NEK1: variants seen among roughly 807,000 people sequenced by gnomAD.
NEK1 encodes NIMA related kinase 1.
Under a neutral mutation model 182.1 loss-of-function variants are expected in NEK1, and 137 were observed. That is an observed-to-expected ratio of 0.75 (90% CI 0.65 to 0.87). The LOEUF (loss-of-function observed/expected upper bound fraction) is 0.87. NEK1 is among the 40% of genes least tolerant of loss of function. The pLI is 0.00. For synonymous variants in NEK1, 513 were observed against 492.2 expected (o/e 1.04, Z -0.56); for missense variants, 1,391 against 1,494.4 (o/e 0.93, Z 1.14).
chr4:169,568,396 A>C (rs1214475437), intron 12 of NEK1, among the ~76,000 whole-genome samples: 2 of 152,198 alleles, frequency 1.3e-5, no homozygotes, highest in Non-Finnish European at 2.9e-5. Flanking sequence ...TATTTCACTG[A>C]ACTCTATTAG....
In NEK1 at chr4:169,545,153, C is replaced by T. The variant is rs1277256144; in HGVS notation, c.1563-7242G>A. On this transcript the variant is annotated intron_variant, in intron 18 of 35. Transcript: ENST00000507142. ...GTGCCATGCTGGTGCGCTGCACCCA[C>T]TAACTCGTCATCTAGCCTTAGATAT... 4.0e-5 allele frequency among the ~76,000 whole-genome samples: 6 copies of T among 150,116 alleles called. No individual in the cohort carries two copies. In the East Asian group the frequency reaches 1.2e-3, roughly 30 times the overall value.
chr4:169,608,763 C>T (rs1340745905), intron 2 of NEK1, among the ~76,000 whole-genome samples: 1 of 151,896 alleles, frequency 6.6e-6, no homozygotes, highest in Non-Finnish European at 1.5e-5. Flanking sequence ...TCCTGTAAAA[C>T]GATATACAAT....
At chr4:169,445,784 T>C (rs1014878618) in intron 27 of NEK1, among the ~76,000 whole-genome samples, 2 of 151,356 alleles carry the variant, frequency 1.3e-5, no homozygotes, top group African/African-American at 4.9e-5. Flanking sequence ...CTCAGCATTA[T>C]GCGATATACC....
At chr4:169,443,375 T>C in intron 27 of NEK1, among the ~76,000 whole-genome samples, 1 of 88,124 alleles carries the variant, frequency 1.1e-5, no homozygotes, top group African/African-American at 4.5e-5. Context: ...ACCACAAAAT[T>C]CAATGAATTA....
intron 10 of NEK1, among the ~76,000 whole-genome samples, chr4:169,583,896 C>A (rs1365401496): frequency 1.3e-5 from 2 of 152,192 alleles, no homozygotes; most frequent in African/African-American, 4.8e-5. Context: ...AAATCAACAT[C>A]TGTTTTCTGA....
intron 18 of NEK1, among the ~76,000 whole-genome samples, chr4:169,541,905 C>T (rs1009732836): frequency 6.6e-6 from 1 of 152,074 alleles, no homozygotes; most frequent in African/African-American, 2.4e-5. Flanking sequence ...CATATCTGAC[C>T]GAAATGTGTC....
intron 27 of NEK1, among the ~76,000 whole-genome samples, chr4:169,453,639 T>C (rs1742275322): frequency 6.6e-6 from 1 of 152,240 alleles, no homozygotes; most frequent in Admixed American, 6.5e-5. Flanking sequence ...GAGCGATCTG[T>C]GCTTTAAGGA....
chr4:169,522,099 T>C (rs947230927), intron 19 of NEK1, among the ~76,000 whole-genome samples: 1 of 152,204 alleles, frequency 6.6e-6, no homozygotes, highest in Non-Finnish European at 1.5e-5. Context: ...AGAACTGAAC[T>C]GGTATGTCTT....
intron 2 of NEK1, among the ~76,000 whole-genome samples, chr4:169,603,551 T>C (rs1770834346): frequency 6.6e-6 from 1 of 152,210 alleles, no homozygotes; most frequent in African/African-American, 2.4e-5. Flanking sequence ...AATGTAAGAA[T>C]GTACTGAAAA....
chr4:169,492,081 A>G (rs1045167653), intron 23 of NEK1, among the ~76,000 whole-genome samples: 1 of 152,212 alleles, frequency 6.6e-6, no homozygotes. Flanking sequence ...GAGAAGAAGA[A>G]AGGAACAAAG....
At chr4:169,608,923 T>C (rs1771845693) in intron 2 of NEK1, among the ~76,000 whole-genome samples, 1 of 151,644 alleles carries the variant, frequency 6.6e-6, no homozygotes. Context: ...TAGCTGGGTG[T>C]GGTGGTGCAG....
chr4:169,586,192 G>C (rs558934100), intron 9 of NEK1, among the ~76,000 whole-genome samples: 1 of 151,960 alleles, frequency 6.6e-6, no homozygotes, highest in Admixed American at 6.6e-5. Flanking sequence ...TTTTGAAAGA[G>C]GGCAATATTA....
intron 9 of NEK1, among the ~76,000 whole-genome samples, chr4:169,586,915 ACCT>A (rs1767637187): frequency 6.6e-6 from 1 of 151,996 alleles, no homozygotes; most frequent in Non-Finnish European, 1.5e-5. Flanking sequence ...CTGCTTATGA[ACCT>A]TATTCACTTA....
chr4:169,599,807 T>C (rs1770173792), intron 4 of NEK1, among the ~76,000 whole-genome samples: 1 of 152,200 alleles, frequency 6.6e-6, no homozygotes, highest in Non-Finnish European at 1.5e-5. Flanking sequence ...TCCACCTTTA[T>C]GTCTCGGTCC....
chr4:169,584,818 A>G (rs1046760507), intron 10 of NEK1, among the ~76,000 whole-genome samples: 1 of 152,146 alleles, frequency 6.6e-6, no homozygotes, highest in Admixed American at 6.5e-5. Flanking sequence ...ATGCTCAATG[A>G]TTTTACAGTT....
chr4:169,556,431 GTTGT>G (rs1188739645), intron 16 of NEK1, among the ~76,000 whole-genome samples: 1 of 151,974 alleles, frequency 6.6e-6, no homozygotes, highest in Non-Finnish European at 1.5e-5. Flanking sequence ...ATTCTGTTCC[GTTGT>G]TTATGTATAG....
chr4:169,523,553 C>T (rs1668618620), intron 19 of NEK1, among the ~76,000 whole-genome samples: 1 of 152,132 alleles, frequency 6.6e-6, no homozygotes, highest in African/African-American at 2.4e-5. Context: ...CCTCAAAGCC[C>T]CCAGAAGGAC....
intron 2 of NEK1, among the ~76,000 whole-genome samples, chr4:169,603,390 TAAAG>T (rs772358870): frequency 4.0e-4 from 61 of 152,304 alleles, no homozygotes; most frequent in Admixed American, 3.5e-3. Flanking sequence ...GGGTAGTAGT[TAAAG>T]AACACTAAAA....
intron 29 of NEK1, among the ~76,000 whole-genome samples, chr4:169,426,627 T>C (rs1167628152): frequency 2.6e-5 from 4 of 152,218 alleles, no homozygotes; most frequent in Non-Finnish European, 5.9e-5. Flanking sequence ...TTCTAATACA[T>C]GCTAATGTTT....
Sources: allele counts gnomAD v4.1 joint callset (sites outside exome capture counted in the v4.1 genomes callset), GRCh38; gene constraint gnomAD v4.1.1; transcripts MANE v1.5; gene names NCBI Gene and HGNC (gene_info 2026-07-23, HGNC 2026-07-21).